The following TMTC1 variants were observed in gnomAD, a reference collection of about 807,000 sequenced individuals.
The protein encoded by TMTC1 is protein O-mannosyl-transferase TMTC1.
TMTC1 carries 73 observed loss-of-function variants against 104.8 expected under a neutral mutation model. That is an observed-to-expected ratio of 0.70 (90% CI 0.58 to 0.85). The LOEUF is 0.85. Among genes scored for constraint, TMTC1 ranks in the 40% least tolerant of loss-of-function variants. The pLI, the probability that TMTC1 is intolerant of heterozygous loss-of-function variation, is 0.00. For synonymous variants in TMTC1, 434 were observed against 428.7 expected, an observed-to-expected ratio of 1.01 and a Z score of -0.15; for missense variants, 1,035 against 1,096.1, an observed-to-expected ratio of 0.94 and a Z score of 0.79.
intron 14 of TMTC1, 140 bp from the exon 15 acceptor site, chr12:29,516,626 C>T: frequency 7.6e-6 from 8 of 1,051,128 alleles, no homozygotes; most frequent in Non-Finnish European, 7.7e-6. Context: ...AAGGCTGAAT[C>T]ACCAGTTTTC....
chr12:29,507,145 C>G (rs921252899), intron 17 of TMTC1, among the ~76,000 whole-genome samples, 159 bp from the exon 18 acceptor site: 1 of 152,106 alleles, frequency 6.6e-6, no homozygotes, highest in Non-Finnish European at 1.5e-5. Flanking sequence ...TCTATTGGTG[C>G]TTTTGAAGAC....
At chr12:29,611,161 C>T (rs191656137) in intron 6 of TMTC1, among the ~76,000 whole-genome samples, 1 of 147,702 alleles carries the variant, frequency 6.8e-6, no homozygotes, top group Admixed American at 6.8e-5. Context: ...GATTTCTGGT[C>T]TTTGGTTCTG....
intron 5 of TMTC1, among the ~76,000 whole-genome samples, chr12:29,699,175 T>C (rs189635655): frequency 1.1e-4 from 16 of 152,270 alleles, no homozygotes; most frequent in African/African-American, 1.4e-4. Flanking sequence ...TCTCTTTTAA[T>C]AGAATTACAT....
intron 5 of TMTC1, among the ~76,000 whole-genome samples, chr12:29,733,667 C>G (rs536225531): frequency 6.6e-6 from 1 of 152,274 alleles, no homozygotes; most frequent in East Asian, 1.9e-4. Flanking sequence ...TTGTCACTCT[C>G]CTAGCTGCAA....
intron 17 of TMTC1, among the ~76,000 whole-genome samples, chr12:29,510,998 C>T (rs1486405062): frequency 1.3e-5 from 2 of 152,164 alleles, no homozygotes; most frequent in Non-Finnish European, 2.9e-5. Context: ...ACCTTAGGGC[C>T]TCTGCACGTG....
At chr12:29,552,555 A>T in intron 10 of TMTC1, among the ~76,000 whole-genome samples, 1 of 152,100 alleles carries the variant, frequency 6.6e-6, no homozygotes, top group African/African-American at 2.4e-5. Flanking sequence ...TGCGGTGGTT[A>T]GGGGCAGAAG....
At chr12:29,608,526 A>G (rs1565706652) in intron 6 of TMTC1, among the ~76,000 whole-genome samples, 1 of 152,216 alleles carries the variant, frequency 6.6e-6, no homozygotes, top group Non-Finnish European at 1.5e-5. Flanking sequence ...CTTCAGACAA[A>G]ATAATTTACT....
chr12:29,746,031 A>G (rs1393470780), intron 5 of TMTC1, among the ~76,000 whole-genome samples: 2 of 152,220 alleles, frequency 1.3e-5, no homozygotes, highest in African/African-American at 4.8e-5. Context: ...GCAATTAAAA[A>G]TTTGCAACAA....
At chr12:29,514,728 A>G (rs1670083544) in intron 15 of TMTC1, 124 bp from the exon 16 acceptor site, 1 of 1,081,622 alleles carries the variant, frequency 9.2e-7, no homozygotes, top group South Asian at 1.7e-5. Context: ...CAATCAAAGT[A>G]CAATTCTTGG....
At chr12:29,683,819 T>A (rs10843486) in intron 5 of TMTC1, among the ~76,000 whole-genome samples, 65,285 of 151,852 alleles carry the variant, frequency 0.43, 14,346 homozygotes, top group East Asian at 0.67. Flanking sequence ...TAAACTAAAA[T>A]TAGTAAAGAT....
rs779716791 is a variant in TMTC1 at position 29,755,806 on chromosome 12, C to T, written c.634G>A (p.Gly212Arg). The T allele has an allele frequency of 6.2e-7, 1 of 1,614,144 alleles. No homozygotes were observed. Among genetic ancestry groups the T allele is most frequent in the Admixed American group, 1.7e-5 (1 of 60,016 alleles). Residue 212 changes from glycine to arginine, a missense_variant, in exon 4 of 18, where the codon GGG (glycine) becomes AGG (arginine). Coordinates refer to ENST00000539277, the MANE Select transcript of TMTC1 (RefSeq NM_001193451.2). ...PFFLLLSLFL[G>R]TCAMLVKETG... ...TCTTTCACCAGCATCGCACAGGTCC[C>T]CAGAAACAAACTGAGCAGCAAGAAG...
intron 5 of TMTC1, among the ~76,000 whole-genome samples, chr12:29,668,657 T>C (rs10743668): frequency 0.55 from 83,895 of 151,402 alleles, 23,427 homozygotes; most frequent in African/African-American, 0.63. Context: ...GACAGGGTTT[T>C]GCCATGTTGG....
intron 5 of TMTC1, among the ~76,000 whole-genome samples, chr12:29,680,386 T>C (rs1235445298): frequency 6.6e-6 from 1 of 152,190 alleles, no homozygotes; most frequent in African/African-American, 2.4e-5. Context: ...CAAATGGCTG[T>C]TTCCAGGTCG....
chr12:29,682,288 C>A (rs1024665252), intron 5 of TMTC1, among the ~76,000 whole-genome samples: 2 of 152,160 alleles, frequency 1.3e-5, no homozygotes, highest in Non-Finnish European at 2.9e-5. Flanking sequence ...AGGATCTCTC[C>A]TATATTACCG....
chr12:29,675,082 T>G lies in TMTC1; in HGVS notation c.939-41746A>C, dbSNP rs547496981. 4.2e-4 allele frequency among the ~76,000 whole-genome samples: 64 copies of G among 152,296 alleles called. 1 individual carries two copies. The South Asian group carries it at 0.013, about 32-fold the overall frequency. On this transcript the variant is annotated intron_variant, in intron 5 of 17. Transcript: ENST00000539277. ...TTAATGTTAAAATGAAGAATAACAT[T>G]GGTTTCTGTCTTAATTCAGCTAAGT...
intron 16 of TMTC1, among the ~76,000 whole-genome samples, chr12:29,512,349 A>C (rs1001460917): frequency 1.2e-4 from 18 of 152,200 alleles, no homozygotes; most frequent in African/African-American, 4.3e-4. Flanking sequence ...TTGGACTTAG[A>C]GAGACTGAGG....
intron 5 of TMTC1, among the ~76,000 whole-genome samples, chr12:29,696,069 T>G (rs1277917191): frequency 6.6e-6 from 1 of 152,076 alleles, no homozygotes; most frequent in African/African-American, 2.4e-5. Context: ...GAGATATATT[T>G]AAATACATCT....
At chr12:29,511,419 G>A (rs181653806) in intron 17 of TMTC1, among the ~76,000 whole-genome samples, 2 of 152,014 alleles carry the variant, frequency 1.3e-5, no homozygotes, top group African/African-American at 4.8e-5. Context: ...CGCCATAAAT[G>A]CTTATAAAAT....
intron 6 of TMTC1, among the ~76,000 whole-genome samples, chr12:29,626,052 T>C (rs985233690): frequency 6.6e-6 from 1 of 152,246 alleles, no homozygotes; most frequent in Admixed American, 6.5e-5. Flanking sequence ...TAAAATCTAT[T>C]TGAACAGAAT....
Sources: allele counts gnomAD v4.1 joint callset (sites outside exome capture counted in the v4.1 genomes callset), GRCh38; gene constraint gnomAD v4.1.1; transcripts MANE v1.5; gene names NCBI Gene and HGNC (gene_info 2026-07-23, HGNC 2026-07-21).